LHX4: variants seen among roughly 807,000 people sequenced by gnomAD.
LHX4 encodes the protein LIM homeobox 4.
LHX4 carries 16 observed loss-of-function variants against 39.2 expected under a neutral mutation model. The ratio of observed to expected loss-of-function variants is 0.41; its 90% CI spans 0.28 to 0.62. LHX4 has a LOEUF of 0.62. Ranked by LOEUF, LHX4 falls within the 20% of genes least tolerant of loss-of-function variation. LHX4 has a pLI of 0.33. For synonymous variants in LHX4, 206 were observed against 198.1 expected, an observed-to-expected ratio of 1.04 and a Z score of -0.33; for missense variants, 439 against 511.9, an observed-to-expected ratio of 0.86 and a Z score of 1.37.
At position 180,276,953 on chromosome 1, in the gene LHX4, CATTT is replaced by C. The variant is rs1649073766; in HGVS notation, c.*2377_*2380del. 1.3e-5 allele frequency: 2 copies of C among 152,152 alleles called. No homozygotes were observed. The highest frequency in any genetic ancestry group is 2.9e-5 in the Non-Finnish European group (2 of 68,044). 9.4% of individuals were successfully genotyped at this position (152,152 alleles called of 1,614,324 possible). Reference sequence around the variant, plus strand: ...CAATAGTGGAAGGAGAGGCCTTCCTCATTTATACTAATAATATAATAAATCTCTT... The same window carrying C: ...CAATAGTGGAAGGAGAGGCCTTCCTCATACTAATAATATAATAAATCTCTT... On this transcript the variant is annotated 3_prime_UTR_variant, in exon 6 of 6. Coordinates refer to ENST00000263726, the MANE Select transcript of LHX4 (RefSeq NM_033343.4).
intron 1 of LHX4, among the ~76,000 whole-genome samples, chr1:180,244,162 G>A (rs61809130): frequency 0.18 from 27,472 of 152,220 alleles, 2,600 homozygotes; most frequent in Non-Finnish European, 0.2. Flanking sequence ...TCTGATGCCT[G>A]CGTGTATTAC....
intron 2 of LHX4, among the ~76,000 whole-genome samples, chr1:180,265,750 T>C (rs1018103346): frequency 1.3e-5 from 2 of 152,106 alleles, no homozygotes; most frequent in Admixed American, 6.6e-5. Context: ...CCAGGCTGTG[T>C]GCGTGCATAG....
intron 1 of LHX4, among the ~76,000 whole-genome samples, chr1:180,244,236 C>G (rs1647299275): frequency 6.6e-6 from 1 of 152,194 alleles, no homozygotes; most frequent in African/African-American, 2.4e-5. Flanking sequence ...ATCCCCCCGT[C>G]AACATCTACA....
intron 2 of LHX4, among the ~76,000 whole-genome samples, chr1:180,249,058 G>A (rs980254954): frequency 2.0e-5 from 3 of 152,172 alleles, no homozygotes; most frequent in African/African-American, 4.8e-5. Flanking sequence ...GCCTGTATTC[G>A]AACCCACTTA....
intron 1 of LHX4, among the ~76,000 whole-genome samples, chr1:180,235,073 G>A (rs1281946273): frequency 2.0e-5 from 3 of 152,240 alleles, no homozygotes; most frequent in African/African-American, 7.2e-5. Flanking sequence ...TGGACAGGGC[G>A]GCCGGCCCTT....
In LHX4 at chr1:180,260,461, C is replaced by T. The variant is rs561539156; in HGVS notation, c.249-5931C>T. Among the ~76,000 whole-genome samples the T allele has an allele frequency of 1.3e-4, 19 of 151,774 alleles. No homozygotes were observed. The South Asian group carries it at 2.3e-3, about 18-fold the overall frequency. ...CTGGTGAGCAGCCCAGCCAGGTGGT[C>T]GGGAGCAGCAGGGGTGGACAAATCA... On this transcript the variant is annotated intron_variant, in intron 2 of 5. Coordinates refer to ENST00000263726, the MANE Select transcript of LHX4 (RefSeq NM_033343.4).
rs1178447516 is a variant in LHX4, at chr1:180,278,807, T to C, written c.*4228T>C. ...TTTGTACAGTTAAAGAGAAATGAAG[T>C]CTCGTTTCCTGGGGAAAAAAAAGAA... On this transcript the variant is annotated 3_prime_UTR_variant, in exon 6 of 6. Coordinates refer to ENST00000263726, the MANE Select transcript of LHX4 (RefSeq NM_033343.4). The C allele has an allele frequency of 2.7e-5, 4 of 150,490 alleles. No individual in the cohort carries two copies. The East Asian group carries it at 7.7e-4, about 29-fold the overall frequency. The allele number at this position is 150,490 out of a possible 1,614,324, so 9.3% of individuals were successfully genotyped here. A position where few individuals can be genotyped will look rare whatever the true frequency, so the allele number is the denominator to read the frequency against.
At chr1:180,239,524 T>C (rs1664401829) in intron 1 of LHX4, among the ~76,000 whole-genome samples, 1 of 152,248 alleles carries the variant, frequency 6.6e-6, no homozygotes, top group Non-Finnish European at 1.5e-5. Flanking sequence ...TGGCCAAATG[T>C]TATTTGAGAC....
rs780186723 is a variant in LHX4, at chr1:180,271,528, C to T, written c.600C>T (p.Val200=). The T allele has an allele frequency of 5.0e-6, 8 of 1,614,080 alleles. No individual in the cohort carries two copies. The highest frequency in any genetic ancestry group is 2.2e-5 in the East Asian group (1 of 44,862). ...CAGAGACAGGCCTGGACATGAGGGT[C>T]GTACAGGTGAGATGCCAGCACTCCT... The part of the protein sequence containing the change: ...LSSETGLDMR[V]VQVWFQNRRA... Residue 200 remains valine, a synonymous_variant, in exon 4 of 6, where the codon GTC becomes GTT. Coordinates refer to ENST00000263726, the MANE Select transcript of LHX4 (RefSeq NM_033343.4).
chr1:180,229,924 A>C (rs954954871), upstream of LHX4, among the ~76,000 whole-genome samples: 37 of 128,172 alleles, frequency 2.9e-4, no homozygotes, highest in African/African-American at 1.1e-3. Flanking sequence ...CCAGGGCGCG[A>C]GCCCGCCACG....
Position 180,234,322 on chromosome 1 carries a change from G to A in LHX4, c.76+3717G>A, listed in dbSNP as rs1664261936. Among the ~76,000 whole-genome samples, 1 of 151,562 alleles carries A rather than the reference G, an allele frequency of 6.6e-6. No homozygotes were observed. Among genetic ancestry groups the A allele is most frequent in the African/African-American group, 2.4e-5 (1 of 41,250 alleles). On this transcript the variant is annotated intron_variant, in intron 1 of 5. Transcript: ENST00000263726. The surrounding 1 kb of genome is among the most constrained non-coding windows in gnomAD (Gnocchi z 4.8). ...CGCGAGAATATATTCTCAGGCAGGA[G>A]ACAATTTTTACAGATGAGGTCAGCT... is the stretch of plus-strand genomic sequence containing the variant.
rs746219526 is a variant in LHX4, at chr1:180,272,009, G to A, written c.778+3G>A. The A allele has an allele frequency of 3.7e-6, 6 of 1,611,578 alleles. No individual in the cohort carries two copies. Among genetic ancestry groups the A allele is most frequent in the South Asian group, 1.1e-5 (1 of 90,854 alleles). On this transcript the variant is annotated splice_donor_region_variant and intron_variant, in intron 5 of 5. Transcript: ENST00000263726. ...TGACAGTGAGCTGAGCTTCCGAGGTGAGCAGGGCTGGAGGGGCCAGGCCGA... is the reference window on the plus strand; with the variant it reads ...TGACAGTGAGCTGAGCTTCCGAGGTAAGCAGGGCTGGAGGGGCCAGGCCGA...
At position 180,275,872 on chromosome 1, in the gene LHX4, G is replaced by A. The variant is rs1404309935; in HGVS notation, c.*1293G>A. 6.6e-6 allele frequency: 1 copy of A among 152,292 alleles called. No individual in the cohort carries two copies. The highest frequency in any genetic ancestry group is 6.5e-5 in the Admixed American group (1 of 15,278). 9.4% of individuals were successfully genotyped at this position (152,292 alleles called of 1,614,324 possible). On this transcript the variant is annotated 3_prime_UTR_variant, in exon 6 of 6. Coordinates refer to ENST00000263726, the MANE Select transcript of LHX4 (RefSeq NM_033343.4). ...TGGTGCAGGGACTCCCCGTTGTGCA[G>A]GTTTGCAGTAGCAAATCACTAAGCC...
At chr1:180,239,616 T>A (rs1353137583) in intron 1 of LHX4, among the ~76,000 whole-genome samples, 2 of 152,220 alleles carry the variant, frequency 1.3e-5, no homozygotes, top group African/African-American at 4.8e-5. Flanking sequence ...GAGGTGGCTT[T>A]GATTGAGCAC....
intron 1 of LHX4, among the ~76,000 whole-genome samples, chr1:180,247,409 C>T (rs1647430970): frequency 6.6e-6 from 1 of 152,222 alleles, no homozygotes. Context: ...GGATAACTCT[C>T]AGCCCCCAGA....
chr1:180,256,752 C>T (rs1484317373), intron 2 of LHX4, among the ~76,000 whole-genome samples: 3 of 152,250 alleles, frequency 2.0e-5, no homozygotes, highest in South Asian at 2.1e-4. Flanking sequence ...TAAGCACCCC[C>T]GATGCGTCTC....
chr1:180,231,282 C>T (rs1664170605), intron 1 of LHX4, among the ~76,000 whole-genome samples: 1 of 151,896 alleles, frequency 6.6e-6, no homozygotes, highest in Admixed American at 6.5e-5. Context: ...CCTTTGCGCA[C>T]GCGAGGGCAG....
intron 2 of LHX4, among the ~76,000 whole-genome samples, chr1:180,265,091 A>T (rs1648259139): frequency 6.6e-6 from 1 of 152,234 alleles, no homozygotes; most frequent in African/African-American, 2.4e-5. Flanking sequence ...TCTGGTATTC[A>T]TCATGATAGC....
intron 2 of LHX4, among the ~76,000 whole-genome samples, chr1:180,257,087 T>C (rs1284944899): frequency 1.3e-5 from 2 of 152,226 alleles, no homozygotes; most frequent in Non-Finnish European, 2.9e-5. Context: ...TCCCGTTGCC[T>C]CTTCAAGGAA....
Sources: allele counts gnomAD v4.1 joint callset (sites outside exome capture counted in the v4.1 genomes callset), GRCh38; gene constraint gnomAD v4.1.1; non-coding constraint Gnocchi (gnomAD v3.1); transcripts MANE v1.5; gene names NCBI Gene and HGNC (gene_info 2026-07-23, HGNC 2026-07-21).